Variants in SETBP1 observed in about 807,000 individuals in gnomAD.
SETBP1 encodes SET binding protein 1.
SETBP1 carries 9 observed loss-of-function variants against 101.0 expected under a neutral mutation model. That is an observed-to-expected ratio of 0.09 (90% CI 0.05 to 0.16). The LOEUF (loss-of-function observed/expected upper bound fraction) is 0.16, where lower values mean the gene tolerates loss of function less well. Among genes scored for constraint, SETBP1 ranks in the 10% least tolerant of loss-of-function variants. The pLI, the probability that SETBP1 is intolerant of heterozygous loss-of-function variation, is 1.00. For missense variants in SETBP1, 1,858 were observed against 2,033.8 expected, an observed-to-expected ratio of 0.91 and a Z score of 1.66; for synonymous variants, 818 against 788.5, an observed-to-expected ratio of 1.04 and a Z score of -0.63.
chr18:44,943,391 T>C (rs1327643897), intron 3 of SETBP1, among the ~76,000 whole-genome samples: 4 of 152,184 alleles, frequency 2.6e-5, no homozygotes, highest in African/African-American at 9.7e-5. Flanking sequence ...TAGGACTTTG[T>C]GAAACACATT....
intron 4 of SETBP1, among the ~76,000 whole-genome samples, chr18:44,994,687 A>G (rs2072453422): frequency 6.6e-6 from 1 of 152,246 alleles, no homozygotes; most frequent in African/African-American, 2.4e-5. Context: ...GAATATCCAT[A>G]CAAAAGAAGA....
intron 4 of SETBP1, among the ~76,000 whole-genome samples, chr18:44,969,197 C>T (rs1241538771): frequency 6.6e-6 from 1 of 152,200 alleles, no homozygotes; most frequent in Non-Finnish European, 1.5e-5. Context: ...GATATCTTTA[C>T]ATTCCTTTGG....
At chr18:44,996,303 A>C (rs978820640) in intron 4 of SETBP1, among the ~76,000 whole-genome samples, 1 of 152,196 alleles carries the variant, frequency 6.6e-6, no homozygotes, top group African/African-American at 2.4e-5. Context: ...GAGCCTGCTC[A>C]CCCGGGGCCA....
chr18:44,741,131 G>T (rs2070087864), intron 2 of SETBP1, among the ~76,000 whole-genome samples: 1 of 152,228 alleles, frequency 6.6e-6, no homozygotes, highest in Non-Finnish European at 1.5e-5. Flanking sequence ...CATTCATTCA[G>T]TGAATATTTT....
intron 2 of SETBP1, among the ~76,000 whole-genome samples, chr18:44,802,276 G>A (rs1443090322): frequency 3.3e-5 from 5 of 152,108 alleles, no homozygotes; most frequent in African/African-American, 1.2e-4. Flanking sequence ...TGGTTTCATG[G>A]AAGAAAGATT....
chr18:44,772,464 C>T (rs1309989135), intron 2 of SETBP1, among the ~76,000 whole-genome samples: 2 of 152,138 alleles, frequency 1.3e-5, no homozygotes, highest in African/African-American at 4.8e-5. Flanking sequence ...GACTGGGAAC[C>T]GCATCCCTGG....
Position 44,952,750 on chromosome 18 carries a change from T to A in SETBP1, c.3410T>A (p.Val1137Glu). Reference sequence around the variant, plus strand: ...CAGCCTTCTCTGAACCCTCCCAAGGTAGGCAGTGCCAGTCTGTCCAGTGGT... The same window carrying A: ...CAGCCTTCTCTGAACCCTCCCAAGGAAGGCAGTGCCAGTCTGTCCAGTGGT... ...DMQPSLNPPK[V>E]GSASLSSGRL... Residue 1137 changes from valine to glutamate, a missense_variant, in exon 4 of 6, where the codon GTA becomes GAA. Val to Glu is a moderately radical substitution (Grantham distance 121). This residue lies in a region of SETBP1 where 417 missense variants were observed against 389.1 expected (regional missense o/e 1.07). Coordinates refer to ENST00000649279, the MANE Select transcript of SETBP1 (RefSeq NM_015559.3). 1 of 1,614,068 alleles carries A rather than the reference T, an allele frequency of 6.2e-7. No homozygotes were observed. Among genetic ancestry groups the A allele is most frequent in the Non-Finnish European group, 8.5e-7 (1 of 1,180,008 alleles).
chr18:44,944,857 G>A (rs1270290531), intron 3 of SETBP1, among the ~76,000 whole-genome samples: 1 of 151,662 alleles, frequency 6.6e-6, no homozygotes. Context: ...TTTGCTTTAG[G>A]TAAGCCTGAG....
At position 44,876,705 on chromosome 18, in the gene SETBP1, C is replaced by CTCTT. The variant is rs3085861; in HGVS notation, c.540+7422_540+7423insTCTT. 0.55 allele frequency: 844,768 copies of CTCTT among 1,546,794 alleles called. 232,434 individuals are homozygous for CTCTT. The highest frequency in any genetic ancestry group is 0.56 in the Non-Finnish European group (638,787 of 1,143,734). The stretch of plus-strand genomic sequence containing the variant: ...CATTCCCCGCAAAACCCGGTTCTCT[C>CTCTT]ACTCTTCCTTTTCACAGTGAACCTG... On this transcript the variant is annotated intron_variant, in intron 3 of 5. Coordinates refer to ENST00000649279, the MANE Select transcript of SETBP1 (RefSeq NM_015559.3).
At chr18:44,874,968 C>T (rs923607913) in intron 3 of SETBP1, among the ~76,000 whole-genome samples, 2 of 152,172 alleles carry the variant, frequency 1.3e-5, no homozygotes, top group African/African-American at 4.8e-5. Flanking sequence ...AGGGCAGGGG[C>T]TGTGACAGCA....
chr18:44,955,617 A>G (rs942213394), intron 4 of SETBP1, among the ~76,000 whole-genome samples: 3 of 152,220 alleles, frequency 2.0e-5, no homozygotes, highest in Non-Finnish European at 2.9e-5. Flanking sequence ...CTGAGGCTCA[A>G]AGAGATCAAG....
At chr18:44,838,812 A>G (rs2072551527) in intron 2 of SETBP1, among the ~76,000 whole-genome samples, 1 of 149,852 alleles carries the variant, frequency 6.7e-6, no homozygotes, top group Non-Finnish European at 1.5e-5. Flanking sequence ...GAAAACAGGA[A>G]CACCCAGAAT....
chr18:44,879,186 A>G (rs1286937950), intron 3 of SETBP1, among the ~76,000 whole-genome samples: 2 of 152,242 alleles, frequency 1.3e-5, no homozygotes, highest in African/African-American at 4.8e-5. Flanking sequence ...GCAACAAAAC[A>G]TAAATCTCTC....
chr18:44,731,326 T>G (rs2069833341), intron 2 of SETBP1, among the ~76,000 whole-genome samples: 1 of 152,140 alleles, frequency 6.6e-6, no homozygotes, highest in South Asian at 2.1e-4. Context: ...GCAGAAGCTG[T>G]GCTTTTTCCA....
At chr18:44,967,309 C>T (rs1223357265) in intron 4 of SETBP1, among the ~76,000 whole-genome samples, 1 of 152,202 alleles carries the variant, frequency 6.6e-6, no homozygotes. Flanking sequence ...ATCACCATCC[C>T]TTGGCATCGG....
chr18:45,051,663 C>T (rs2073723696), intron 5 of SETBP1, among the ~76,000 whole-genome samples: 1 of 152,172 alleles, frequency 6.6e-6, no homozygotes, highest in African/African-American at 2.4e-5. Context: ...GCATGTGTTC[C>T]TTTTCCAGGG....
At chr18:44,794,912 G>A (rs2071443842) in intron 2 of SETBP1, among the ~76,000 whole-genome samples, 1 of 152,174 alleles carries the variant, frequency 6.6e-6, no homozygotes, top group Admixed American at 6.5e-5. Context: ...ATTCATGGAT[G>A]CAAGACATTC....
At chr18:44,848,955 A>G (rs747564877) in intron 2 of SETBP1, among the ~76,000 whole-genome samples, 6 of 152,182 alleles carry the variant, frequency 3.9e-5, no homozygotes, top group African/African-American at 7.2e-5. Context: ...GACACTCACT[A>G]TCTATTACAA....
intron 2 of SETBP1, among the ~76,000 whole-genome samples, chr18:44,793,652 C>T (rs893694562): frequency 1.3e-5 from 2 of 152,116 alleles, no homozygotes; most frequent in Non-Finnish European, 2.9e-5. Flanking sequence ...TTAAGGGGTG[C>T]CTACTAGGTT....
Sources: gnomAD v4.1 joint callset for allele counts (sites outside exome capture counted in the v4.1 genomes callset) on GRCh38, gnomAD v4.1.1 for gene constraint, gnomAD v4.1.1 regional missense constraint, MANE v1.5 for transcripts, NCBI Gene and HGNC (gene_info 2026-07-23, HGNC 2026-07-21) for gene names.